Variants in EXOC1 observed in about 807,000 individuals in gnomAD.
EXOC1 encodes the protein exocyst complex component 1, also known as SEC3-like 1.
A neutral mutation model predicts 107.7 loss-of-function variants in EXOC1; 67 were observed. The ratio of observed to expected loss-of-function variants is 0.62; its 90% CI spans 0.51 to 0.76. The LOEUF (loss-of-function observed/expected upper bound fraction) is 0.76. Among genes scored for constraint, EXOC1 ranks in the 30% least tolerant of loss-of-function variants. EXOC1 has a pLI of 0.00. For synonymous variants in EXOC1, 348 were observed against 353.5 expected, an observed-to-expected ratio of 0.98 and a Z score of 0.17; for missense variants, 833 against 1,055.7, an observed-to-expected ratio of 0.79 and a Z score of 2.92.
intron 9 of EXOC1, 91 bp downstream of exon 9, chr4:55,878,157 C>G (rs1464668988): frequency 2.1e-6 from 3 of 1,396,484 alleles, no homozygotes; most frequent in African/African-American, 2.9e-5. Context: ...GTTTAAAATA[C>G]TGTAGTACAT....
chr4:55,888,701 C>T, intron 10 of EXOC1, 187 bp from the exon 11 acceptor site: 2 of 564,014 alleles, frequency 3.5e-6, no homozygotes, highest in Non-Finnish European at 6.3e-6. Context: ...TTTTTTCTCT[C>T]ATATAATTTC....
At chr4:55,886,791 T>C (rs1041438181) in intron 10 of EXOC1, among the ~76,000 whole-genome samples, 11 of 152,146 alleles carry the variant, frequency 7.2e-5, no homozygotes, top group Non-Finnish European at 1.5e-4. Flanking sequence ...CTGGTAAGAA[T>C]AGTCAGAATG....
At chr4:55,886,627 GTAATTA>G (rs1332395181) in intron 10 of EXOC1, among the ~76,000 whole-genome samples, 2 of 150,868 alleles carry the variant, frequency 1.3e-5, no homozygotes, top group African/African-American at 4.9e-5. Context: ...AGGAGCATCT[GTAATTA>G]TAATTAAAAT....
chr4:55,867,593 T>C (rs1722068932), intron 4 of EXOC1, among the ~76,000 whole-genome samples: 1 of 151,356 alleles, frequency 6.6e-6, no homozygotes, highest in Non-Finnish European at 1.5e-5. Context: ...AACTGAAACA[T>C]CTAGAAAGCA....
chr4:55,882,099 T>TTTGTTGTTGTTG (rs57694786), intron 9 of EXOC1, among the ~76,000 whole-genome samples: 3 of 150,988 alleles, frequency 2.0e-5, no homozygotes, highest in South Asian at 2.1e-4. Flanking sequence ...CCATAGGGTT[T>TTTGTTGTTGTTG]TTGTTGTTGT....
chr4:55,884,308 G>A (rs1158981107), intron 10 of EXOC1, among the ~76,000 whole-genome samples: 2 of 152,116 alleles, frequency 1.3e-5, no homozygotes, highest in Admixed American at 6.6e-5. Flanking sequence ...ACAGTTGGGG[G>A]CAAGTCACTA....
intron 15 of EXOC1, among the ~76,000 whole-genome samples, chr4:55,894,614 CTTTTTTT>C (rs772700227): frequency 1.3e-5 from 1 of 76,116 alleles, no homozygotes; most frequent in African/African-American, 5.3e-5. Flanking sequence ...CTATCTGTTA[CTTTTTTT>C]TTTTTTTTTT....
At position 55,877,781 on chromosome 4, in the gene EXOC1, C is replaced by G. The variant is rs1310139508; in HGVS notation, c.1075-136C>G. 4 of 1,446,212 alleles carry G rather than the reference C, an allele frequency of 2.8e-6. No individual in the cohort carries two copies. In the East Asian group the frequency reaches 1.0e-4, roughly 37 times the overall value. 89.6% of individuals were successfully genotyped at this position (1,446,212 alleles called of 1,614,324 possible). On this transcript the variant is annotated intron_variant, in intron 8 of 18. Coordinates refer to ENST00000381295, the MANE Select transcript of EXOC1 (RefSeq NM_001024924.2). ...GTGTAAGTATTTGGTTTTTATTTTT[C>G]TGTGTTCTATTCTTAATTATTTTTC...
intron 9 of EXOC1, among the ~76,000 whole-genome samples, chr4:55,880,431 A>G (rs1560346205): frequency 6.6e-6 from 1 of 151,984 alleles, no homozygotes; most frequent in African/African-American, 2.4e-5. Flanking sequence ...GTTGTGTTAT[A>G]TTTTCTTTTG....
chr4:55,890,171 T>A, intron 11 of EXOC1, 52 bp from the exon 12 acceptor site: 1 of 1,564,648 alleles, frequency 6.4e-7, no homozygotes, highest in Non-Finnish European at 8.8e-7. Flanking sequence ...CTTTATACTT[T>A]GGATCATTTA....
chr4:55,896,633 C>T (rs1459709200), intron 15 of EXOC1, 84 bp from the exon 16 acceptor site: 8 of 1,087,702 alleles, frequency 7.4e-6, no homozygotes, highest in Non-Finnish European at 9.0e-6. Flanking sequence ...ATATCTATAT[C>T]TCCATCTATA....
intron 11 of EXOC1, 145 bp downstream of exon 11, chr4:55,889,077 T>TA: frequency 1.4e-6 from 1 of 708,214 alleles, no homozygotes; most frequent in Non-Finnish European, 2.5e-6. Flanking sequence ...AACATGATGG[T>TA]AGTGATATGG....
At chr4:55,884,413 A>G (rs1238600426) in intron 10 of EXOC1, among the ~76,000 whole-genome samples, 1 of 152,062 alleles carries the variant, frequency 6.6e-6, no homozygotes, top group Non-Finnish European at 1.5e-5. Context: ...AAGTTTAAAT[A>G]TTTTCTCCCC....
At chr4:55,893,461 T>G in intron 14 of EXOC1, 91 bp from the exon 15 acceptor site, 2 of 1,084,878 alleles carry the variant, frequency 1.8e-6, no homozygotes, top group South Asian at 3.1e-5. Context: ...GGTATTTTTG[T>G]CCTTTTGTAT....
intron 17 of EXOC1, among the ~76,000 whole-genome samples, chr4:55,901,519 G>A (rs1725915067): frequency 6.6e-6 from 1 of 151,982 alleles, no homozygotes. Flanking sequence ...TAATATAACA[G>A]AGTCAGTATA....
intron 13 of EXOC1, 65 bp from the exon 14 acceptor site, chr4:55,892,570 G>T: frequency 7.6e-7 from 1 of 1,314,168 alleles, no homozygotes; most frequent in Non-Finnish European, 1.1e-6. Flanking sequence ...GCAGGCTTTT[G>T]CTATATCAAT....
intron 15 of EXOC1, among the ~76,000 whole-genome samples, chr4:55,894,250 G>A (rs528935289): frequency 6.6e-6 from 1 of 151,428 alleles, no homozygotes; most frequent in South Asian, 2.1e-4. Context: ...GCTTGAACCT[G>A]TGAAGTGGAG....
At chr4:55,897,166 G>A (rs1046940239) in intron 16 of EXOC1, among the ~76,000 whole-genome samples, 4 of 147,280 alleles carry the variant, frequency 2.7e-5, no homozygotes, top group African/African-American at 1.0e-4. Flanking sequence ...TCACTCTGTC[G>A]CCCAGGCTGG....
chr4:55,881,534 G>A (rs559252079), intron 9 of EXOC1, among the ~76,000 whole-genome samples: 2 of 152,112 alleles, frequency 1.3e-5, no homozygotes, highest in African/African-American at 4.8e-5. Context: ...AGCACACCTT[G>A]GTTTTATACA....
Sources: gnomAD v4.1 joint callset for allele counts (sites outside exome capture counted in the v4.1 genomes callset) on GRCh38, gnomAD v4.1.1 for gene constraint, MANE v1.5 for transcripts, NCBI Gene and HGNC (gene_info 2026-07-23, HGNC 2026-07-21) for gene names.